Variants in OPRPN observed in about 807,000 individuals in gnomAD.
OPRPN encodes the protein basic proline-rich lacrimal protein.
Under a neutral mutation model 2.2 loss-of-function variants are expected in OPRPN, and 1 was observed. The ratio of observed to expected loss-of-function variants is 0.45; its 90% CI spans 0.16 to 2.15. The LOEUF (loss-of-function observed/expected upper bound fraction) is 2.15. Among genes scored for constraint, OPRPN ranks in the 30% most tolerant of loss-of-function variants. The pLI is 0.28. For synonymous variants in OPRPN, 126 were observed against 111.5 expected, an observed-to-expected ratio of 1.13 and a Z score of -0.82; for missense variants, 306 against 297.3, an observed-to-expected ratio of 1.03 and a Z score of -0.21.
intron 2 of OPRPN, among the ~76,000 whole-genome samples, chr4:70,400,034 T>A (rs1218319686): frequency 6.6e-6 from 1 of 151,940 alleles, no homozygotes; most frequent in Non-Finnish European, 1.5e-5. Context: ...TAACAAGTGA[T>A]AAGTGCCATA....
intron 2 of OPRPN, among the ~76,000 whole-genome samples, chr4:70,402,548 T>C (rs1485200513): frequency 6.6e-6 from 1 of 152,044 alleles, no homozygotes; most frequent in African/African-American, 2.4e-5. Context: ...TTCTAGATGT[T>C]GGGTAAACAG....
At chr4:70,398,114 T>C (rs762223146) in intron 1 of OPRPN, 74 bp downstream of exon 1, 1 of 151,974 alleles carries the variant, frequency 6.6e-6, no homozygotes, top group Non-Finnish European at 1.5e-5. Context: ...CTCAAGAATA[T>C]CATCCTCATG....
chr4:70,409,784 A>G lies in OPRPN; in HGVS notation c.456A>G (p.Thr152=), dbSNP rs1733180186. ...TAAACATCACCACCGCAGATACAAC[A>G]ATCACCACAAATCCCCCCACCACTG... is the stretch of plus-strand genomic sequence containing the variant. ...PQINITTADT[T]ITTNPPTTAT... is the part of the protein sequence containing the mutation. Residue 152 remains threonine (T), a synonymous_variant, in exon 3 of 3, where the codon ACA becomes ACG. Coordinates refer to ENST00000399575, the MANE Select transcript of OPRPN (RefSeq NM_021225.5). 13 of 1,613,582 alleles carry G rather than the reference A, an allele frequency of 8.1e-6. No individual in the cohort carries two copies. The highest frequency in any genetic ancestry group is 1.0e-5 in the Non-Finnish European group (12 of 1,179,806).
intron 2 of OPRPN, among the ~76,000 whole-genome samples, chr4:70,401,336 C>A (rs1366205913): frequency 6.6e-6 from 1 of 152,002 alleles, no homozygotes; most frequent in Non-Finnish European, 1.5e-5. Context: ...TATTCATTGT[C>A]TCATGAGAAG....
In OPRPN at chr4:70,409,958, C is replaced by T. The variant is rs752259394; in HGVS notation, c.630C>T (p.Asn210=). The T allele has an allele frequency of 4.0e-5, 65 of 1,613,916 alleles. No individual in the cohort carries two copies. Among genetic ancestry groups the T allele is most frequent in the African/African-American group, 9.3e-5 (7 of 74,932 alleles). The change falls in exon 3 of 3, where the codon AAC becomes AAT. Residue 210 remains asparagine (N), a synonymous_variant. Coordinates refer to ENST00000399575, the MANE Select transcript of OPRPN (RefSeq NM_021225.5). ...AAAATACTACTCAAATTCTCGCCAA[C>T]CGTCCTCACACAGTATTGCTCAATG... The part of the protein sequence containing the change: ...STENTTQILA[N]RPHTVLLNAT...
intron 2 of OPRPN, among the ~76,000 whole-genome samples, chr4:70,400,781 C>T (rs1215758197): frequency 1.3e-5 from 2 of 151,904 alleles, no homozygotes; most frequent in East Asian, 3.8e-4. Context: ...AAATTTATTA[C>T]TCTGGAATAA....
At position 70,409,701 on chromosome 4, in the gene OPRPN, C is replaced by T; in HGVS notation, c.373C>T (p.Pro125Ser). 6.2e-7 allele frequency: 1 copy of T among 1,613,572 alleles called. No individual in the cohort carries two copies. The highest frequency in any genetic ancestry group is 8.5e-7 in the Non-Finnish European group (1 of 1,179,634). Residue 125 changes from proline (P) to serine (S), a missense_variant, in exon 3 of 3, where the codon CCT becomes TCT. Pro to Ser is a moderately conservative substitution (Grantham distance 74). Coordinates refer to ENST00000399575, the MANE Select transcript of OPRPN (RefSeq NM_021225.5). ...GPIRILKPPF[P>S]PIPFFLAIYL... ...TATTAGGATATTAAAACCCCCATTT[C>T]CTCCTATTCCTTTTTTTCTTGCTAT...
rs1733197754 is a variant in OPRPN at position 70,410,173 on chromosome 4, TAAATA to T, written c.*101_*105del. On this transcript the variant is annotated 3_prime_UTR_variant, in exon 3 of 3. Transcript: ENST00000399575. ...ACCAACCCTGATCTAACCAGCACAC[TAAATA>T]AAGTATTTGAGCAATAATATGCACC... is the stretch of plus-strand genomic sequence containing the variant. 1 of 726,164 alleles carries T rather than the reference TAAATA, an allele frequency of 1.4e-6. No individual in the cohort carries two copies. The highest frequency in any genetic ancestry group is 1.9e-6 in the Non-Finnish European group (1 of 517,714). The allele number at this position is 726,164 out of a possible 1,614,324, so 45.0% of individuals were successfully genotyped here.
intron 2 of OPRPN, among the ~76,000 whole-genome samples, chr4:70,401,613 A>G (rs1205678262): frequency 6.6e-6 from 1 of 152,120 alleles, no homozygotes; most frequent in Non-Finnish European, 1.5e-5. Flanking sequence ...ACCCTCAATA[A>G]GTATTAGGGG....
rs1560535127 is a variant in OPRPN, at chr4:70,409,944, C to A, written c.616C>A (p.Gln206Lys). 7.4e-6 allele frequency: 12 copies of A among 1,614,064 alleles called. No individual in the cohort carries two copies. The highest frequency in any genetic ancestry group is 8.5e-6 in the Non-Finnish European group (10 of 1,179,932). ...CGCAGCATCTACTGAAAATACTACT[C>A]AAATTCTCGCCAACCGTCCTCACAC... ...TPAASTENTT[Q>K]ILANRPHTVL... The change falls in exon 3 of 3, where the codon CAA becomes AAA. Residue 206 changes from glutamine to lysine, a missense_variant. Gln to Lys is a moderately conservative substitution (Grantham distance 53). Coordinates refer to ENST00000399575, the MANE Select transcript of OPRPN (RefSeq NM_021225.5).
chr4:70,399,749 T>C (rs970078684), intron 2 of OPRPN, among the ~76,000 whole-genome samples: 1 of 152,010 alleles, frequency 6.6e-6, no homozygotes, highest in African/African-American at 2.4e-5. Context: ...AAAGACAACA[T>C]GATATATCAA....
chr4:70,399,826 C>A (rs1732934013), intron 2 of OPRPN, among the ~76,000 whole-genome samples: 1 of 151,748 alleles, frequency 6.6e-6, no homozygotes, highest in African/African-American at 2.4e-5. Flanking sequence ...AATCAGGAAG[C>A]CTTTCTGATG....
In OPRPN at chr4:70,410,188, A is replaced by G; in HGVS notation, c.*113A>G. On this transcript the variant is annotated 3_prime_UTR_variant, in exon 3 of 3. Coordinates refer to ENST00000399575, the MANE Select transcript of OPRPN (RefSeq NM_021225.5). ...ACCAGCACACTAAATAAAGTATTTG[A>G]GCAATAATATGCACCTATTGCTATC... 1.4e-6 allele frequency: 1 copy of G among 718,756 alleles called. No individual in the cohort carries two copies. Among genetic ancestry groups the G allele is most frequent in the African/African-American group, 1.8e-5 (1 of 54,904 alleles). 44.5% of individuals were successfully genotyped at this position (718,756 alleles called of 1,614,324 possible). A position where few individuals can be genotyped will look rare whatever the true frequency, so the allele number is the denominator to read the frequency against.
Position 70,409,630 on chromosome 4 carries a change from G to A in OPRPN, c.302G>A (p.Gly101Asp), listed in dbSNP as rs776994086. Residue 101 changes from glycine (G) to aspartate (D), a missense_variant, in exon 3 of 3, where the codon GGT becomes GAT. By Grantham distance (94) the Gly-to-Asp change is moderately conservative (BLOSUM62 -1). Coordinates refer to ENST00000399575, the MANE Select transcript of OPRPN (RefSeq NM_021225.5). ...ATTAGACAACCTCGACTCTTTCCGGGTTATCCAAACCTACATTTCCCACTA... is the reference window on the plus strand; with the variant it reads ...ATTAGACAACCTCGACTCTTTCCGGATTATCCAAACCTACATTTCCCACTA... ...ESIRQPRLFPGYPNLHFPLRP... is the reference protein window; with the variant it reads ...ESIRQPRLFPDYPNLHFPLRP... The A allele has an allele frequency of 5.0e-6, 8 of 1,613,942 alleles. No homozygotes were observed. In the East Asian group the frequency reaches 1.1e-4, roughly 22 times the overall value.
chr4:70,404,342 A>T (rs1733042985), intron 2 of OPRPN, among the ~76,000 whole-genome samples: 1 of 151,822 alleles, frequency 6.6e-6, no homozygotes, highest in East Asian at 1.9e-4. Context: ...CCTCTTCCTG[A>T]TCTCTAAATG....
At chr4:70,399,436 A>T in intron 2 of OPRPN, 100 bp downstream of exon 2, 1 of 989,850 alleles carries the variant, frequency 1.0e-6, no homozygotes, top group Non-Finnish European at 1.5e-6. Context: ...ATATAAAAAT[A>T]CAGTGTCAGG....
chr4:70,405,349 T>C (rs1445867405), intron 2 of OPRPN, among the ~76,000 whole-genome samples: 1 of 152,144 alleles, frequency 6.6e-6, no homozygotes, highest in Non-Finnish European at 1.5e-5. Flanking sequence ...CTATTTGCTG[T>C]AAGGTGTAAT....
chr4:70,409,693 C>G lies in OPRPN; in HGVS notation c.365C>G (p.Pro122Arg), dbSNP rs920209067. 6.2e-7 allele frequency: 1 copy of G among 1,613,482 alleles called. No individual in the cohort carries two copies. Among genetic ancestry groups the G allele is most frequent in the South Asian group, 1.1e-5 (1 of 91,026 alleles). ...YYVGPIRILK[P>R]PFPPIPFFLA... ...GTAGGACCTATTAGGATATTAAAAC[C>G]CCCATTTCCTCCTATTCCTTTTTTT... The change falls in exon 3 of 3, where the codon CCC becomes CGC. Residue 122 changes from proline (P) to arginine (R), a missense_variant. Pro to Arg is a moderately radical substitution (Grantham distance 103). Coordinates refer to ENST00000399575, the MANE Select transcript of OPRPN (RefSeq NM_021225.5).
intron 2 of OPRPN, among the ~76,000 whole-genome samples, chr4:70,406,327 T>C (rs1011513852): frequency 2.0e-5 from 3 of 152,138 alleles, no homozygotes; most frequent in Admixed American, 1.3e-4. Context: ...AGATACAACT[T>C]ATTCCTTCAA....
Sources: allele counts gnomAD v4.1 joint callset (sites outside exome capture counted in the v4.1 genomes callset), GRCh38; gene constraint gnomAD v4.1.1; transcripts MANE v1.5; gene names NCBI Gene and HGNC (gene_info 2026-07-23, HGNC 2026-07-21).